TTC7B: variants seen among roughly 807,000 people sequenced by gnomAD.
TTC7B encodes the protein tetratricopeptide repeat domain 7B, also known as tetratricopeptide repeat protein 7B.
A neutral mutation model predicts 106.8 loss-of-function variants in TTC7B; 28 were observed. The ratio of observed to expected loss-of-function variants is 0.26; its 90% CI spans 0.19 to 0.36. The LOEUF (loss-of-function observed/expected upper bound fraction) is 0.36, where lower values mean the gene tolerates loss of function less well. TTC7B is among the 10% of genes least tolerant of loss of function. The pLI is 1.00. For missense variants in TTC7B, 862 were observed against 1,076.4 expected (o/e 0.80, Z 2.79); for synonymous variants, 405 against 430.6 (o/e 0.94, Z 0.74).
At chr14:90,566,651 G>A (rs1189528432) in intron 19 of TTC7B, among the ~76,000 whole-genome samples, 1 of 152,216 alleles carries the variant, frequency 6.6e-6, no homozygotes, top group Admixed American at 6.5e-5. Context: ...AGGAGGGAAG[G>A]GAGAGATCAC....
intron 3 of TTC7B, among the ~76,000 whole-genome samples, chr14:90,770,238 T>C (rs1337999635): frequency 1.3e-5 from 2 of 152,172 alleles, no homozygotes; most frequent in African/African-American, 4.8e-5. Flanking sequence ...GTTATAAACA[T>C]TTACACATGT....
intron 15 of TTC7B, among the ~76,000 whole-genome samples, chr14:90,641,938 T>C (rs1390518869): frequency 1.6e-4 from 23 of 144,352 alleles, no homozygotes; most frequent in South Asian, 2.2e-4. Flanking sequence ...TGTGTGCGTG[T>C]GTGTGTGTGT....
At chr14:90,630,838 G>GC (rs1017701119) in intron 15 of TTC7B, among the ~76,000 whole-genome samples, 2 of 92,630 alleles carry the variant, frequency 2.2e-5, no homozygotes, top group Non-Finnish European at 5.7e-5. Context: ...CTTGTTTTTT[G>GC]TTTTTTTTTT....
rs374453533 is a variant in TTC7B at position 90,578,095 on chromosome 14, C to T, written c.2310+11G>A. ...CCAGAGTAGGGGCCACCGCCGGGCT[C>T]GTGGACTCACCAGTCGCTGCATGCT... is the stretch of plus-strand genomic sequence containing the variant. On this transcript the variant is annotated intron_variant, in intron 19 of 19. Coordinates refer to ENST00000328459, the MANE Select transcript of TTC7B (RefSeq NM_001010854.2). This position sits in a 1 kb window ranked among gnomAD's most constrained non-coding sequence, Gnocchi z 4.7. 5.6e-6 allele frequency: 9 copies of T among 1,602,788 alleles called. No individual in the cohort carries two copies. The African/African-American group carries it at 9.4e-5, about 17-fold the overall frequency.
chr14:90,591,864 T>TA (rs1375792239), intron 18 of TTC7B, among the ~76,000 whole-genome samples: 1 of 152,220 alleles, frequency 6.6e-6, no homozygotes, highest in African/African-American at 2.4e-5. Context: ...GAGGAGGCGT[T>TA]ACTGCTACTC....
intron 10 of TTC7B, 169 bp downstream of exon 10, chr14:90,658,135 T>C (rs1886026395): frequency 1.6e-6 from 1 of 622,670 alleles, no homozygotes; most frequent in Non-Finnish European, 2.8e-6. Context: ...CCATCTTGGC[T>C]CCCCAAACAA....
At chr14:90,618,164 A>G (rs2139848770) in intron 15 of TTC7B, 119 bp from the exon 16 acceptor site, 1 of 691,332 alleles carries the variant, frequency 1.4e-6, no homozygotes, top group Non-Finnish European at 2.5e-6. Flanking sequence ...GAAAGGGAAC[A>G]TCCACATGTG....
intron 3 of TTC7B, among the ~76,000 whole-genome samples, chr14:90,766,170 C>A (rs1186984173): frequency 1.4e-5 from 2 of 147,056 alleles, no homozygotes; most frequent in Admixed American, 1.4e-4. Flanking sequence ...AAACAGCAAA[C>A]CCTGAGAATG....
At chr14:90,593,431 G>A (rs760238994) in intron 18 of TTC7B, 55 bp downstream of exon 18, 92 of 1,503,318 alleles carry the variant, frequency 6.1e-5, no homozygotes, top group Non-Finnish European at 8.0e-5. Context: ...GGTTGTGGGT[G>A]GGGCGGAGCC....
intron 4 of TTC7B, among the ~76,000 whole-genome samples, chr14:90,737,750 G>A (rs962647439): frequency 6.6e-6 from 1 of 151,754 alleles, no homozygotes; most frequent in African/African-American, 2.4e-5. Context: ...GTAGAGACGG[G>A]GTTTCACCAT....
intron 5 of TTC7B, among the ~76,000 whole-genome samples, chr14:90,723,796 T>C (rs1233542849): frequency 3.3e-5 from 5 of 152,180 alleles, no homozygotes; most frequent in Non-Finnish European, 7.3e-5. Context: ...ATTATCTGTC[T>C]CCCTCACTAG....
intron 9 of TTC7B, among the ~76,000 whole-genome samples, chr14:90,661,414 G>GGTGGC (rs929276579): frequency 6.6e-6 from 1 of 152,166 alleles, no homozygotes; most frequent in African/African-American, 2.4e-5. Context: ...GGCAAGACAG[G>GGTGGC]GTGGCGGGAG....
chr14:90,640,755 C>T (rs1286427), intron 15 of TTC7B, among the ~76,000 whole-genome samples: 133,164 of 152,222 alleles, frequency 0.87, 58,315 homozygotes, highest in Admixed American at 0.91. Flanking sequence ...TCAAATGCAC[C>T]AGCTAAATCA....
In TTC7B at chr14:90,632,892, G is replaced by A. The variant is rs1361195943; in HGVS notation, c.1751+11156C>T. On this transcript the variant is annotated intron_variant, in intron 15 of 19. Coordinates refer to ENST00000328459, the MANE Select transcript of TTC7B (RefSeq NM_001010854.2). ...TTATTAAGAGTGCCTGTCACAATGC[G>A]GGGTATAAACATTAGTGGTTACTAA... 2.0e-5 allele frequency among the ~76,000 whole-genome samples: 3 copies of A among 152,204 alleles called. No individual in the cohort carries two copies. The East Asian group carries it at 5.8e-4, about 29-fold the overall frequency.
At chr14:90,611,061 C>T (rs768161176) in intron 16 of TTC7B, among the ~76,000 whole-genome samples, 1 of 152,226 alleles carries the variant, frequency 6.6e-6, no homozygotes, top group Non-Finnish European at 1.5e-5. Flanking sequence ...ACCACACCCA[C>T]AGACCCTGGC....
chr14:90,555,895 G>A (rs1890278977), intron 19 of TTC7B, among the ~76,000 whole-genome samples: 1 of 152,242 alleles, frequency 6.6e-6, no homozygotes, highest in African/African-American at 2.4e-5. Flanking sequence ...ATGCACCTGG[G>A]TGCTGCTGCT....
At chr14:90,754,256 T>C (rs1460986214) in intron 3 of TTC7B, among the ~76,000 whole-genome samples, 1 of 152,226 alleles carries the variant, frequency 6.6e-6, no homozygotes, top group African/African-American at 2.4e-5. Flanking sequence ...GCCTAACTCC[T>C]GAGTTCTCGT....
intron 1 of TTC7B, among the ~76,000 whole-genome samples, chr14:90,799,868 C>T (rs2030141676): frequency 6.6e-6 from 1 of 151,950 alleles, no homozygotes; most frequent in South Asian, 2.1e-4. Context: ...CTCGCTCTGT[C>T]GCCCAGGCTG....
intron 5 of TTC7B, among the ~76,000 whole-genome samples, chr14:90,720,686 G>A (rs545690433): frequency 3.9e-5 from 6 of 152,284 alleles, no homozygotes; most frequent in African/African-American, 1.4e-4. Flanking sequence ...ACCAGGAGAT[G>A]CTACAAAAAT....
Sources: gnomAD v4.1 joint callset for allele counts (sites outside exome capture counted in the v4.1 genomes callset) on GRCh38, gnomAD v4.1.1 for gene constraint, Gnocchi (gnomAD v3.1) non-coding constraint, MANE v1.5 for transcripts, NCBI Gene and HGNC (gene_info 2026-07-23, HGNC 2026-07-21) for gene names.